Variants in MEF2A observed in about 807,000 individuals in gnomAD.
MEF2A encodes the protein myocyte enhancer factor 2A.
A neutral mutation model predicts 55.8 loss-of-function variants in MEF2A; 28 were observed. The observed-to-expected ratio is 0.50, with a 90% CI of 0.37 to 0.69. The LOEUF (loss-of-function observed/expected upper bound fraction) is 0.69, where lower values mean the gene tolerates loss of function less well. MEF2A is among the 30% of genes least tolerant of loss of function. The pLI is 0.00. For missense variants in MEF2A, 528 were observed against 626.2 expected, an observed-to-expected ratio of 0.84 and a Z score of 1.67; for synonymous variants, 239 against 227.1, an observed-to-expected ratio of 1.05 and a Z score of -0.47.
chr15:99,594,459 CTTTT>C (rs67846200), intron 1 of MEF2A, among the ~76,000 whole-genome samples: 4 of 124,362 alleles, frequency 3.2e-5, no homozygotes, highest in African/African-American at 7.4e-5. Flanking sequence ...TCCTTTCTTT[CTTTT>C]TTTTTTTTTT....
At chr15:99,567,559 CT>C (rs777784609) in intron 1 of MEF2A, among the ~76,000 whole-genome samples, 1 of 151,188 alleles carries the variant, frequency 6.6e-6, no homozygotes, top group Non-Finnish European at 1.5e-5. Context: ...AATGACATTT[CT>C]TTTAATATGA....
chr15:99,679,053 AC>A (rs1188491878), intron 7 of MEF2A, among the ~76,000 whole-genome samples: 3 of 152,200 alleles, frequency 2.0e-5, no homozygotes, highest in Non-Finnish European at 2.9e-5. Flanking sequence ...CTGCACACCC[AC>A]CAGAATTGCT....
upstream of MEF2A, chr15:99,565,442 G>A (rs1210708204): frequency 2.0e-5 from 3 of 149,302 alleles, no homozygotes; most frequent in Non-Finnish European, 4.5e-5. Context: ...GCGTCACCGG[G>A]CCGCTCCCGG....
chr15:99,626,555 A>T (rs1273458716), intron 2 of MEF2A, among the ~76,000 whole-genome samples: 1 of 151,744 alleles, frequency 6.6e-6, no homozygotes, highest in Non-Finnish European at 1.5e-5. Flanking sequence ...CTTAATTTTT[A>T]TGGCTTTATA....
rs371032728 is a variant in MEF2A at position 99,605,706 on chromosome 15, G to A, written c.-143+7195G>A. 4.0e-5 allele frequency among the ~76,000 whole-genome samples: 6 copies of A among 151,102 alleles called. 1 individual carries two copies. The highest frequency in any genetic ancestry group is 9.7e-5 in the African/African-American group (4 of 41,228). ...AAAAAGGGGCTGGGTGCAGTGGCTC[G>A]TGTCTGTAATGCCAGCACCTTGGGA... On this transcript the variant is annotated intron_variant, in intron 2 of 11. Coordinates refer to ENST00000557942, the MANE Select transcript of MEF2A (RefSeq NM_001319206.4).
At chr15:99,687,852 A>G (rs1019773063) in intron 7 of MEF2A, among the ~76,000 whole-genome samples, 1 of 152,024 alleles carries the variant, frequency 6.6e-6, no homozygotes, top group African/African-American at 2.4e-5. Flanking sequence ...CTCTACATAT[A>G]CCCTCCCAGG....
chr15:99,641,634 A>G (rs891290186), intron 3 of MEF2A, among the ~76,000 whole-genome samples: 1 of 152,084 alleles, frequency 6.6e-6, no homozygotes, highest in African/African-American at 2.4e-5. Flanking sequence ...GAGGCAGGAG[A>G]ACGGCATGAA....
intron 8 of MEF2A, among the ~76,000 whole-genome samples, chr15:99,692,007 T>G (rs1339852908): frequency 2.0e-5 from 3 of 152,240 alleles, no homozygotes; most frequent in African/African-American, 7.2e-5. Context: ...CTTCTTAGTT[T>G]AGCAACTGTT....
intron 2 of MEF2A, among the ~76,000 whole-genome samples, chr15:99,623,796 T>C (rs1452693585): frequency 6.6e-6 from 1 of 152,056 alleles, no homozygotes; most frequent in African/African-American, 2.4e-5. Flanking sequence ...ATCAAATATA[T>C]GATCTGCCGT....
chr15:99,703,754 AAC>A (rs1244093799), intron 9 of MEF2A, among the ~76,000 whole-genome samples: 2 of 152,192 alleles, frequency 1.3e-5, no homozygotes, highest in African/African-American at 4.8e-5. Flanking sequence ...CTCAGATTGT[AAC>A]ACACGATGTT....
intron 1 of MEF2A, among the ~76,000 whole-genome samples, chr15:99,596,008 A>G (rs1971044897): frequency 1.3e-5 from 2 of 152,178 alleles, no homozygotes; most frequent in South Asian, 4.1e-4. Flanking sequence ...CTGACTCAGC[A>G]CTAACATTCT....
At chr15:99,690,638 A>G (rs534593132) in intron 8 of MEF2A, 2 of 681,892 alleles carry the variant, frequency 2.9e-6, no homozygotes, top group East Asian at 2.9e-5. Flanking sequence ...GTTACTTAAA[A>G]TTAAAGCTAA....
rs576555224 is a variant in MEF2A at position 99,641,389 on chromosome 15, A to G, written c.55-4172A>G. ...AGGCATTGAGTGTTCCAGGCAGCGGAGGTGAGAAGCACAAGCTGAACCCAA... is the reference window on the plus strand; with the variant it reads ...AGGCATTGAGTGTTCCAGGCAGCGGGGGTGAGAAGCACAAGCTGAACCCAA... On this transcript the variant is annotated intron_variant, in intron 3 of 11. Transcript: ENST00000557942. Among the ~76,000 whole-genome samples, 5 of 152,134 alleles carry G rather than the reference A, an allele frequency of 3.3e-5. No individual in the cohort carries two copies. In the South Asian group the frequency reaches 8.3e-4, roughly 25 times the overall value.
At chr15:99,613,374 T>C (rs1354808672) in intron 2 of MEF2A, among the ~76,000 whole-genome samples, 2 of 152,222 alleles carry the variant, frequency 1.3e-5, no homozygotes, top group Non-Finnish European at 2.9e-5. Context: ...CTAGTTATTA[T>C]TGTTTTATGC....
rs78199364 is a variant in MEF2A, at chr15:99,640,640, T to A, written c.55-4921T>A. ...GGCATGATCATGGCTCACTGCAGCC[T>A]TGACCTCCTGTGCTCAAGCAATCCT... On this transcript the variant is annotated intron_variant, in intron 3 of 11. Coordinates refer to ENST00000557942, the MANE Select transcript of MEF2A (RefSeq NM_001319206.4). Among the ~76,000 whole-genome samples, 238 of 150,004 alleles carry A rather than the reference T, an allele frequency of 1.6e-3. 8 individuals are homozygous for A. In the East Asian group the frequency reaches 0.041, roughly 26 times the overall value.
intron 4 of MEF2A, among the ~76,000 whole-genome samples, chr15:99,669,958 C>T (rs150219716): frequency 6.6e-6 from 1 of 152,324 alleles, no homozygotes; most frequent in African/African-American, 2.4e-5. Flanking sequence ...TAACTAAGCT[C>T]TGTTAGTTAG....
At chr15:99,601,336 A>G (rs2153071765) in intron 2 of MEF2A, among the ~76,000 whole-genome samples, 1 of 150,676 alleles carries the variant, frequency 6.6e-6, no homozygotes, top group East Asian at 2.0e-4. Context: ...GTGAATAAAG[A>G]CTATCTTATT....
intron 2 of MEF2A, among the ~76,000 whole-genome samples, chr15:99,631,570 A>G (rs1358456604): frequency 6.6e-6 from 1 of 152,150 alleles, no homozygotes; most frequent in African/African-American, 2.4e-5. Flanking sequence ...GAATTATGCA[A>G]ACTCATTTGC....
chr15:99,633,313 A>C (rs1045494753), intron 3 of MEF2A, 140 bp downstream of exon 3: 9 of 551,560 alleles, frequency 1.6e-5, no homozygotes, highest in East Asian at 3.4e-5. Context: ...AAATTCTAAC[A>C]ATCATAAAAT....
Sources: gnomAD v4.1 joint callset for allele counts (sites outside exome capture counted in the v4.1 genomes callset) on GRCh38, gnomAD v4.1.1 for gene constraint, MANE v1.5 for transcripts, NCBI Gene and HGNC (gene_info 2026-07-23, HGNC 2026-07-21) for gene names.